LAMA2: variants seen among roughly 807,000 people sequenced by gnomAD.
LAMA2 encodes laminin subunit alpha 2, also known as laminin subunit alpha-2.
In LAMA2, 269 loss-of-function variants were observed where a neutral mutation model predicts 364.8. The ratio of observed to expected loss-of-function variants is 0.74; its 90% CI spans 0.67 to 0.82. LAMA2 has a LOEUF of 0.82. Ranked by LOEUF, LAMA2 falls within the 40% of genes least tolerant of loss-of-function variation. LAMA2 has a pLI of 0.00. For synonymous variants in LAMA2, 1,379 were observed against 1,370.6 expected, an observed-to-expected ratio of 1.01 and a Z score of -0.14; for missense variants, 3,807 against 3,873.2, an observed-to-expected ratio of 0.98 and a Z score of 0.45.
intron 29 of LAMA2, among the ~76,000 whole-genome samples, chr6:129,332,883 ATTTTT>A (rs10590805): frequency 0.38 from 39,498 of 104,846 alleles, 9,265 homozygotes; most frequent in South Asian, 0.45. Flanking sequence ...TAAGTTTACC[ATTTTT>A]TTTTTTTTTT....
intron 1 of LAMA2, among the ~76,000 whole-genome samples, chr6:129,040,466 A>G (rs1787010652): frequency 6.6e-6 from 1 of 152,100 alleles, no homozygotes; most frequent in African/African-American, 2.4e-5. Context: ...CAATAATTAA[A>G]AAAAAAATAG....
At chr6:129,136,247 G>T (rs1777785446) in intron 4 of LAMA2, among the ~76,000 whole-genome samples, 1 of 152,162 alleles carries the variant, frequency 6.6e-6, no homozygotes, top group Non-Finnish European at 1.5e-5. Context: ...AAGGGGCTTA[G>T]AAGTAAATGC....
At chr6:129,162,399 C>T (rs1361044197) in intron 8 of LAMA2, among the ~76,000 whole-genome samples, 1 of 151,992 alleles carries the variant, frequency 6.6e-6, no homozygotes, top group Non-Finnish European at 1.5e-5. Context: ...TTCCCATTTT[C>T]CATACTCTGT....
At chr6:129,045,303 G>A (rs1416594834) in intron 1 of LAMA2, among the ~76,000 whole-genome samples, 1 of 152,114 alleles carries the variant, frequency 6.6e-6, no homozygotes, top group Admixed American at 6.5e-5. Context: ...TAGTTTTATG[G>A]TTAGAAAACT....
chr6:129,241,627 A>G (rs772202715), intron 12 of LAMA2, among the ~76,000 whole-genome samples: 2 of 152,176 alleles, frequency 1.3e-5, no homozygotes, highest in Admixed American at 6.5e-5. Flanking sequence ...GGCAGAATCA[A>G]AATCCACAAC....
chr6:129,021,535 A>G (rs1412476513), intron 1 of LAMA2, among the ~76,000 whole-genome samples: 2 of 152,218 alleles, frequency 1.3e-5, no homozygotes, highest in African/African-American at 2.4e-5. Flanking sequence ...TTTTTCTTCA[A>G]TTTGCTACAA....
intron 27 of LAMA2, among the ~76,000 whole-genome samples, chr6:129,317,673 G>A (rs1024598611): frequency 3.9e-5 from 6 of 152,142 alleles, no homozygotes; most frequent in African/African-American, 1.4e-4. Context: ...TAAATTAGGT[G>A]GCAGAAGCCA....
At chr6:128,992,768 C>CT (rs1416244298) in intron 1 of LAMA2, among the ~76,000 whole-genome samples, 1 of 152,120 alleles carries the variant, frequency 6.6e-6, no homozygotes. Flanking sequence ...TTGTTTTGTG[C>CT]TTTGACATTT....
chr6:129,267,271 G>A (rs777318111), intron 16 of LAMA2, 52 bp downstream of exon 16: 10 of 1,180,182 alleles, frequency 8.5e-6, no homozygotes, highest in Middle Eastern at 1.9e-4. Flanking sequence ...AAATCACCTC[G>A]ACAGATGCTA....
intron 27 of LAMA2, among the ~76,000 whole-genome samples, chr6:129,320,334 C>T (rs1205237567): frequency 6.6e-6 from 1 of 152,026 alleles, no homozygotes; most frequent in Non-Finnish European, 1.5e-5. Context: ...AATCCCCGTA[C>T]AAGTGAACCC....
intron 58 of LAMA2, 142 bp from the exon 59 acceptor site, chr6:129,502,517 A>G: frequency 3.0e-6 from 2 of 669,022 alleles, no homozygotes; most frequent in Admixed American, 4.4e-5. Flanking sequence ...AGTACTTACT[A>G]TGCAGTAGAC....
At chr6:129,115,203 C>G (rs558180573) in intron 4 of LAMA2, among the ~76,000 whole-genome samples, 1 of 152,148 alleles carries the variant, frequency 6.6e-6, no homozygotes, top group East Asian at 1.9e-4. Flanking sequence ...CCCAATTTTG[C>G]AACTCTATTT....
chr6:129,420,994 G>T (rs1781046414), intron 40 of LAMA2, among the ~76,000 whole-genome samples: 1 of 152,016 alleles, frequency 6.6e-6, no homozygotes, highest in Non-Finnish European at 1.5e-5. Flanking sequence ...TGAATATTTG[G>T]TGCTTGAGAT....
At chr6:129,509,640 C>A (rs904462787) in intron 62 of LAMA2, among the ~76,000 whole-genome samples, 2 of 151,994 alleles carry the variant, frequency 1.3e-5, no homozygotes, top group Non-Finnish European at 2.9e-5. Flanking sequence ...TTCTTAGAAC[C>A]TTTATGGAAA....
At chr6:129,412,584 A>G (rs1780590392) in intron 40 of LAMA2, among the ~76,000 whole-genome samples, 1 of 152,190 alleles carries the variant, frequency 6.6e-6, no homozygotes, top group Non-Finnish European at 1.5e-5. Flanking sequence ...GAAACAAATC[A>G]TAAATATAAA....
At chr6:128,953,351 CA>C (rs1407676276) in intron 1 of LAMA2, among the ~76,000 whole-genome samples, 1 of 151,998 alleles carries the variant, frequency 6.6e-6, no homozygotes, top group Non-Finnish European at 1.5e-5. Flanking sequence ...TTTCTGCTCA[CA>C]AAAAAATTAG....
rs1009315957 is a variant in LAMA2, at chr6:129,115,633, C to T, written c.639+17218C>T. Among the ~76,000 whole-genome samples the T allele has an allele frequency of 4.3e-4, 65 of 152,022 alleles. 3 individuals carry two copies. On this transcript the variant is annotated intron_variant, in intron 4 of 64. Transcript: ENST00000421865. ...TCTCTCCTACCAGCTTTTCCCATGG[C>T]AGAAATGGTTGAGATCTGTACAGAA...
chr6:129,021,923 G>T (rs1401223633), intron 1 of LAMA2, among the ~76,000 whole-genome samples: 1 of 152,194 alleles, frequency 6.6e-6, no homozygotes, highest in Non-Finnish European at 1.5e-5. Flanking sequence ...GTTTTAAGTA[G>T]GCCATGGACC....
chr6:128,903,896 G>T (rs946517691), intron 1 of LAMA2, among the ~76,000 whole-genome samples: 6 of 152,160 alleles, frequency 3.9e-5, no homozygotes, highest in African/African-American at 1.4e-4. Context: ...GAGGCCTGCT[G>T]CTGGGATCTT....
Sources: gnomAD v4.1 joint callset for allele counts (sites outside exome capture counted in the v4.1 genomes callset) on GRCh38, gnomAD v4.1.1 for gene constraint, MANE v1.5 for transcripts, NCBI Gene and HGNC (gene_info 2026-07-23, HGNC 2026-07-21) for gene names.